ZNF516: variants seen among roughly 807,000 people sequenced by gnomAD.
The protein encoded by ZNF516 is zinc finger protein 516.
A neutral mutation model predicts 79.7 loss-of-function variants in ZNF516; 19 were observed. That is an observed-to-expected ratio of 0.24 (90% confidence interval 0.17 to 0.35). The LOEUF (loss-of-function observed/expected upper bound fraction) is 0.35, where lower values mean the gene tolerates loss of function less well. Among genes scored for constraint, ZNF516 ranks in the 10% least tolerant of loss-of-function variants. ZNF516 has a pLI of 1.00. For synonymous variants in ZNF516, 877 were observed against 739.5 expected, an observed-to-expected ratio of 1.19 and a Z score of -3.02; for missense variants, 1,678 against 1,679.5, an observed-to-expected ratio of 1.00 and a Z score of 0.02.
chr18:76,409,019 TA>T (rs968326204), intron 3 of ZNF516, among the ~76,000 whole-genome samples: 11 of 151,836 alleles, frequency 7.2e-5, no homozygotes, highest in Non-Finnish European at 1.2e-4. Context: ...AAAGAAGCTA[TA>T]AAAAAAATCA....
intron 3 of ZNF516, among the ~76,000 whole-genome samples, chr18:76,417,227 T>TC (rs1213301254): frequency 6.6e-6 from 1 of 152,188 alleles, no homozygotes; most frequent in Non-Finnish European, 1.5e-5. Flanking sequence ...GAACAGGCTC[T>TC]CCCTGTCCCA....
intron 3 of ZNF516, among the ~76,000 whole-genome samples, chr18:76,429,193 G>A (rs975312098): frequency 6.6e-6 from 1 of 152,232 alleles, no homozygotes; most frequent in Admixed American, 6.5e-5. Flanking sequence ...AGAAAGAGCT[G>A]AGAAGTGAAA....
intron 1 of ZNF516, among the ~76,000 whole-genome samples, chr18:76,487,307 C>T (rs1481270971): frequency 6.6e-6 from 1 of 152,150 alleles, no homozygotes; most frequent in African/African-American, 2.4e-5. Flanking sequence ...ATAAGGAATG[C>T]AAAACAGACA....
intron 3 of ZNF516, among the ~76,000 whole-genome samples, chr18:76,438,768 C>T (rs533271516): frequency 6.6e-6 from 1 of 152,234 alleles, no homozygotes; most frequent in Non-Finnish European, 1.5e-5. Context: ...AATCAATTCC[C>T]AGATGTCAAA....
chr18:76,423,703 C>A (rs1429220893), intron 3 of ZNF516, among the ~76,000 whole-genome samples: 1 of 140,954 alleles, frequency 7.1e-6, no homozygotes, highest in Non-Finnish European at 1.5e-5. Flanking sequence ...AAGGCTCCCC[C>A]GAAACACACG....
chr18:76,479,083 A>T (rs1239837526), intron 1 of ZNF516, among the ~76,000 whole-genome samples: 1 of 151,954 alleles, frequency 6.6e-6, no homozygotes, highest in Non-Finnish European at 1.5e-5. Context: ...ACTGGGGAAG[A>T]GAAAACCTTT....
intron 3 of ZNF516, among the ~76,000 whole-genome samples, chr18:76,412,992 C>G (rs1318097528): frequency 6.6e-6 from 1 of 152,238 alleles, no homozygotes; most frequent in African/African-American, 2.4e-5. Flanking sequence ...GAGCCCTGCT[C>G]AGAGGCCCAC....
At chr18:76,390,537 C>T (rs570980419) in intron 3 of ZNF516, among the ~76,000 whole-genome samples, 140 of 152,306 alleles carry the variant, frequency 9.2e-4, no homozygotes, top group Non-Finnish European at 1.7e-3. Context: ...TCACCAAGGA[C>T]CAGGGGATTC....
chr18:76,486,190 T>C (rs1246743531), intron 1 of ZNF516, among the ~76,000 whole-genome samples: 1 of 152,242 alleles, frequency 6.6e-6, no homozygotes, highest in Non-Finnish European at 1.5e-5. Flanking sequence ...AGAAAGAATC[T>C]GCTAAAGCCA....
At position 76,396,562 on chromosome 18, in the gene ZNF516, G is replaced by C. The variant is rs951787615; in HGVS notation, c.1811-16259C>G. On this transcript the variant is annotated intron_variant, in intron 3 of 6. Coordinates refer to ENST00000443185, the MANE Select transcript of ZNF516 (RefSeq NM_014643.4). Reference sequence around the variant, plus strand: ...CAGTCATCAACAGTGTTGCTCAGAAGAAGATCCATCTATCACTTTTAACCT... The same window carrying C: ...CAGTCATCAACAGTGTTGCTCAGAACAAGATCCATCTATCACTTTTAACCT... 3.9e-5 allele frequency among the ~76,000 whole-genome samples: 6 copies of C among 152,186 alleles called. 1 individual carries two copies. In the East Asian group the frequency reaches 1.2e-3, roughly 29 times the overall value.
intron 3 of ZNF516, among the ~76,000 whole-genome samples, chr18:76,412,423 T>C (rs1320282001): frequency 6.6e-6 from 1 of 151,994 alleles, no homozygotes; most frequent in Non-Finnish European, 1.5e-5. Flanking sequence ...CCATTCCTAC[T>C]CTTAGCTTAG....
At chr18:76,400,548 T>C (rs1007312500) in intron 3 of ZNF516, among the ~76,000 whole-genome samples, 3 of 152,230 alleles carry the variant, frequency 2.0e-5, no homozygotes, top group African/African-American at 7.2e-5. Flanking sequence ...TGGCTGGTAC[T>C]GACCCCGTAC....
At chr18:76,417,948 G>C (rs2075453314) in intron 3 of ZNF516, among the ~76,000 whole-genome samples, 1 of 152,216 alleles carries the variant, frequency 6.6e-6, no homozygotes. Context: ...GTCAAGTATA[G>C]CAGTGACGTT....
At chr18:76,418,302 C>CGCTGTAACAT (rs1355303452) in intron 3 of ZNF516, among the ~76,000 whole-genome samples, 1 of 152,076 alleles carries the variant, frequency 6.6e-6, no homozygotes, top group African/African-American at 2.4e-5. Flanking sequence ...ATAACACACA[C>CGCTGTAACAT]GCTGTAACAT....
rs553952880 is a variant in ZNF516, at chr18:76,370,425, G to GA, written c.3432+102dup. 1.3e-4 allele frequency: 155 copies of GA among 1,190,728 alleles called. No individual in the cohort carries two copies. The African/African-American group carries it at 2.1e-3, about 16-fold the overall frequency. 73.8% of individuals were successfully genotyped at this position (1,190,728 alleles called of 1,614,324 possible). A position where few individuals can be genotyped will look rare whatever the true frequency, so the allele number is the denominator to read the frequency against. Reference sequence around the variant, plus strand: ...ATATAGGATTATTTACACATCTAGTGAAAAAAACAAAAAGAAGGTCATGCT... The same window carrying GA: ...ATATAGGATTATTTACACATCTAGTGAAAAAAAACAAAAAGAAGGTCATGCT... On this transcript the variant is annotated intron_variant, in intron 6 of 6. Transcript: ENST00000443185.
At chr18:76,431,485 T>C (rs1300773448) in intron 3 of ZNF516, among the ~76,000 whole-genome samples, 1 of 152,218 alleles carries the variant, frequency 6.6e-6, no homozygotes, top group Admixed American at 6.5e-5. Context: ...GAAGGTCCTG[T>C]GCCCGGCATG....
At chr18:76,490,958 G>A (rs1915147303) in intron 1 of ZNF516, 8 of 985,380 alleles carry the variant, frequency 8.1e-6, no homozygotes, top group Non-Finnish European at 8.4e-6. Context: ...CACACACGCA[G>A]AACACAAAAC....
At chr18:76,423,665 C>G (rs1385582256) in intron 3 of ZNF516, among the ~76,000 whole-genome samples, 1 of 63,766 alleles carries the variant, frequency 1.6e-5, no homozygotes, top group African/African-American at 5.2e-5. Flanking sequence ...GAAAAGGCTC[C>G]CTCCTGAAAC....
intron 3 of ZNF516, among the ~76,000 whole-genome samples, chr18:76,419,385 GT>G (rs765821425): frequency 2.0e-4 from 31 of 152,176 alleles, no homozygotes; most frequent in Admixed American, 6.5e-4. Flanking sequence ...CCAAAATATC[GT>G]TACCTATGAG....
Sources: allele counts gnomAD v4.1 joint callset (sites outside exome capture counted in the v4.1 genomes callset), GRCh38; gene constraint gnomAD v4.1.1; transcripts MANE v1.5; gene names NCBI Gene and HGNC (gene_info 2026-07-23, HGNC 2026-07-21).